The following SYT14 variants were observed in gnomAD, a reference collection of about 807,000 sequenced individuals.
SYT14 encodes synaptotagmin-14.
Under a neutral mutation model 74.2 loss-of-function variants are expected in SYT14, and 32 were observed. That is an observed-to-expected ratio of 0.43 (90% confidence interval 0.33 to 0.58). The LOEUF is 0.58. SYT14 is among the 20% of genes least tolerant of loss of function. The probability of loss-of-function intolerance (pLI) is 0.05; values close to 1 mark genes in which losing one functional copy is unlikely to be tolerated. For missense variants in SYT14, 791 were observed against 981.8 expected (o/e 0.81, Z 2.60); for synonymous variants, 298 against 337.7 (o/e 0.88, Z 1.29).
chr1:210,128,395 A>T (rs1244692439), intron 7 of SYT14, among the ~76,000 whole-genome samples: 6 of 151,760 alleles, frequency 4.0e-5, no homozygotes, highest in Non-Finnish European at 5.9e-5. Flanking sequence ...AAAAAAGTAG[A>T]TGTATATATG....
chr1:210,008,082 T>G (rs1373814636), intron 2 of SYT14, among the ~76,000 whole-genome samples: 1 of 152,208 alleles, frequency 6.6e-6, no homozygotes, highest in African/African-American at 2.4e-5. Context: ...AACCTCAGTA[T>G]CTATATCTGT....
intron 5 of SYT14, among the ~76,000 whole-genome samples, chr1:210,035,938 G>GA (rs1407120641): frequency 6.6e-6 from 1 of 151,952 alleles, no homozygotes; most frequent in Non-Finnish European, 1.5e-5. Context: ...CTAATTCCGT[G>GA]AAAAACGATA....
chr1:210,156,869 T>A (rs2102716123), intron 8 of SYT14: 1 of 409,474 alleles, frequency 2.4e-6, no homozygotes, highest in African/African-American at 2.0e-5. Context: ...TTATTTTGTA[T>A]TTTTAGTAGA....
At chr1:209,990,624 A>C (rs2079666049) in intron 2 of SYT14, among the ~76,000 whole-genome samples, 1 of 119,634 alleles carries the variant, frequency 8.4e-6, no homozygotes, top group Admixed American at 9.1e-5. Context: ...TTCTTATCAT[A>C]TGATAATACT....
At chr1:210,059,478 A>AGAGAGAGG (rs2081168515) in intron 5 of SYT14, among the ~76,000 whole-genome samples, 1 of 148,592 alleles carries the variant, frequency 6.7e-6, no homozygotes, top group Non-Finnish European at 1.5e-5. Context: ...AGAGAGAGAG[A>AGAGAGAGG]GAGAGAGAGA....
chr1:210,143,302 G>A (rs1465615780), intron 7 of SYT14, among the ~76,000 whole-genome samples: 3 of 152,126 alleles, frequency 2.0e-5, no homozygotes, highest in Non-Finnish European at 2.9e-5. Flanking sequence ...CTATTAATTC[G>A]GTGAAAGAAT....
intron 7 of SYT14, among the ~76,000 whole-genome samples, chr1:210,142,867 A>C (rs1018877096): frequency 6.6e-5 from 10 of 152,212 alleles, no homozygotes; most frequent in African/African-American, 2.4e-4. Context: ...CATTATGGAA[A>C]TATAGTGATC....
intron 5 of SYT14, among the ~76,000 whole-genome samples, chr1:210,074,893 G>A (rs1248148901): frequency 3.3e-5 from 5 of 152,160 alleles, no homozygotes; most frequent in African/African-American, 4.8e-5. Context: ...ATCCATAGGC[G>A]GCTTGTGTTA....
chr1:210,047,936 A>G (rs955472336), intron 5 of SYT14, among the ~76,000 whole-genome samples: 4 of 152,196 alleles, frequency 2.6e-5, no homozygotes, highest in Non-Finnish European at 4.4e-5. Context: ...CAGGGACCAC[A>G]TGATCTCAGA....
intron 2 of SYT14, among the ~76,000 whole-genome samples, chr1:210,010,418 C>T (rs2080065697): frequency 6.6e-6 from 1 of 152,004 alleles, no homozygotes; most frequent in Admixed American, 6.6e-5. Flanking sequence ...GTGATTATTG[C>T]CCATTAGTGC....
At chr1:210,010,299 C>G (rs1021633674) in intron 2 of SYT14, among the ~76,000 whole-genome samples, 1 of 152,114 alleles carries the variant, frequency 6.6e-6, no homozygotes, top group African/African-American at 2.4e-5. Flanking sequence ...CACATACATT[C>G]ATTCATTCAT....
At chr1:209,952,581 A>G in intron 1 of SYT14, 128 bp from the exon 2 acceptor site, 2 of 723,116 alleles carry the variant, frequency 2.8e-6, no homozygotes, top group East Asian at 2.6e-5. Flanking sequence ...TTAGTTAAGT[A>G]TAAAGAGAAG....
chr1:209,992,958 G>C (rs79275591), intron 2 of SYT14, among the ~76,000 whole-genome samples: 14 of 152,284 alleles, frequency 9.2e-5, no homozygotes, highest in African/African-American at 3.4e-4. Context: ...TCCTGGGAAA[G>C]AGGTGAATGA....
chr1:210,056,316 C>G (rs965851818), intron 5 of SYT14, among the ~76,000 whole-genome samples: 1 of 151,664 alleles, frequency 6.6e-6, no homozygotes, highest in African/African-American at 2.4e-5. Context: ...TGAGACCTCA[C>G]CCCCCACCAA....
chr1:210,000,556 C>T (rs1243357771), intron 2 of SYT14, among the ~76,000 whole-genome samples: 1 of 148,800 alleles, frequency 6.7e-6, no homozygotes, highest in Admixed American at 6.8e-5. Flanking sequence ...TAATTTATTG[C>T]TGCTTTTCTT....
At chr1:210,124,656 A>G (rs991461281) in intron 7 of SYT14, among the ~76,000 whole-genome samples, 15 of 152,230 alleles carry the variant, frequency 9.9e-5, no homozygotes, top group African/African-American at 3.6e-4. Context: ...AAAATGGTAA[A>G]GAAACTTGAT....
intron 5 of SYT14, among the ~76,000 whole-genome samples, chr1:210,088,871 C>G (rs1226911386): frequency 7.4e-6 from 1 of 134,720 alleles, no homozygotes; most frequent in South Asian, 2.4e-4. Context: ...CATTATCATT[C>G]TCTTCAGGAT....
intron 2 of SYT14, chr1:209,953,025 A>T (rs779755744): frequency 3.5e-6 from 5 of 1,410,890 alleles, no homozygotes; most frequent in Non-Finnish European, 9.4e-7. Flanking sequence ...GAGGCAAAGA[A>T]TGGAGGGTTT....
chr1:210,151,537 G>T (rs2083163765), intron 7 of SYT14, among the ~76,000 whole-genome samples: 1 of 137,748 alleles, frequency 7.3e-6, no homozygotes, highest in Non-Finnish European at 1.5e-5. Context: ...TAACTACAGT[G>T]GTTCTGTTTA....
Sources: gnomAD v4.1 joint callset for allele counts (sites outside exome capture counted in the v4.1 genomes callset) on GRCh38, gnomAD v4.1.1 for gene constraint, MANE v1.5 for transcripts, NCBI Gene and HGNC (gene_info 2026-07-23, HGNC 2026-07-21) for gene names.